The following THSD7B variants were observed in gnomAD, a reference collection of about 807,000 sequenced individuals.
THSD7B encodes the protein thrombospondin type-1 domain-containing protein 7B.
In THSD7B, 138 loss-of-function variants were observed where a neutral mutation model predicts 213.6. The ratio of observed to expected loss-of-function variants is 0.65; its 90% CI spans 0.56 to 0.74. The LOEUF (loss-of-function observed/expected upper bound fraction) is 0.74. Among genes scored for constraint, THSD7B ranks in the 30% least tolerant of loss-of-function variants. The pLI is 0.00. For synonymous variants in THSD7B, 742 were observed against 687.0 expected (o/e 1.08, Z -1.25); for missense variants, 1,931 against 1,991.5 (o/e 0.97, Z 0.58).
intron 2 of THSD7B, among the ~76,000 whole-genome samples, chr2:136,883,445 T>C (rs1004781): frequency 0.1 from 15,652 of 151,990 alleles, 943 homozygotes; most frequent in African/African-American, 0.14. Flanking sequence ...ACTTCATTAC[T>C]GATTTGCATT....
At chr2:137,613,922 A>G (rs948675950) in intron 17 of THSD7B, among the ~76,000 whole-genome samples, 1 of 152,160 alleles carries the variant, frequency 6.6e-6, no homozygotes, top group Non-Finnish European at 1.5e-5. Context: ...TAAACTTTCT[A>G]TAAATAGCTA....
intron 2 of THSD7B, among the ~76,000 whole-genome samples, chr2:136,957,787 A>G (rs1194329931): frequency 6.6e-6 from 1 of 152,224 alleles, no homozygotes; most frequent in South Asian, 2.1e-4. Flanking sequence ...TGTGCATTAA[A>G]TTTAAAATGT....
chr2:137,279,356 C>T (rs1682944526), intron 12 of THSD7B, among the ~76,000 whole-genome samples: 1 of 151,886 alleles, frequency 6.6e-6, no homozygotes, highest in African/African-American at 2.4e-5. Context: ...GACAATATAA[C>T]GAGACCCTGT....
chr2:137,033,012 G>A (rs1319791275), intron 2 of THSD7B, among the ~76,000 whole-genome samples: 3 of 152,170 alleles, frequency 2.0e-5, no homozygotes, highest in Non-Finnish European at 2.9e-5. Context: ...ATTAAACAGA[G>A]GATACTGGGC....
In THSD7B at chr2:137,249,793, T is replaced by C. The variant is rs145016625; in HGVS notation, c.2266+7221T>C. 6.6e-5 allele frequency among the ~76,000 whole-genome samples: 10 copies of C among 152,352 alleles called. No homozygotes were observed. The East Asian group carries it at 1.9e-3, about 29-fold the overall frequency. On this transcript the variant is annotated intron_variant, in intron 10 of 27. Transcript: ENST00000409968. Reference sequence around the variant, plus strand: ...TTTTTATCCCACGACAACGAGCTACTTGCTACATCCATAGGCACAGATAGT... The same window carrying C: ...TTTTTATCCCACGACAACGAGCTACCTGCTACATCCATAGGCACAGATAGT...
At chr2:137,487,524 G>C (rs1688487780) in intron 15 of THSD7B, among the ~76,000 whole-genome samples, 1 of 151,474 alleles carries the variant, frequency 6.6e-6, no homozygotes. Context: ...GAATCCAGGA[G>C]CTGGTTTTTT....
At chr2:136,855,767 C>T (rs1032406985) in intron 1 of THSD7B, among the ~76,000 whole-genome samples, 35 of 151,984 alleles carry the variant, frequency 2.3e-4, no homozygotes, top group Non-Finnish European at 3.2e-4. Context: ...CCATCACGCC[C>T]GGGCTTCCCT....
chr2:136,829,485 A>G (rs1013823690), intron 1 of THSD7B, among the ~76,000 whole-genome samples: 3 of 152,142 alleles, frequency 2.0e-5, no homozygotes, highest in Non-Finnish European at 4.4e-5. Flanking sequence ...ACTGAGCCCC[A>G]GATGGGAGAA....
chr2:137,293,642 C>T (rs899174080), intron 12 of THSD7B, among the ~76,000 whole-genome samples: 10 of 151,936 alleles, frequency 6.6e-5, no homozygotes, highest in Admixed American at 5.2e-4. Context: ...TATTCTGTAT[C>T]GAACAGAATG....
chr2:137,305,455 A>G (rs9753450), intron 12 of THSD7B, among the ~76,000 whole-genome samples: 6,981 of 152,176 alleles, frequency 0.046, 581 homozygotes, highest in African/African-American at 0.16. Flanking sequence ...AGGAGGATGA[A>G]TTGAAACTCA....
chr2:136,880,221 G>A (rs957383147), intron 1 of THSD7B, among the ~76,000 whole-genome samples: 3 of 152,100 alleles, frequency 2.0e-5, no homozygotes, highest in East Asian at 3.9e-4. Flanking sequence ...TGGAAGTAAC[G>A]CACTCCTCAG....
At chr2:137,126,480 C>A (rs1252073256) in intron 5 of THSD7B, among the ~76,000 whole-genome samples, 1 of 149,846 alleles carries the variant, frequency 6.7e-6, no homozygotes, top group Non-Finnish European at 1.5e-5. Flanking sequence ...GCTTCCTCAG[C>A]TCTCTCAGCC....
At chr2:137,263,006 A>AG (rs1682488293) in intron 10 of THSD7B, among the ~76,000 whole-genome samples, 1 of 152,122 alleles carries the variant, frequency 6.6e-6, no homozygotes, top group Admixed American at 6.6e-5. Flanking sequence ...CTATTTGATA[A>AG]GGTTAGCTCT....
chr2:136,943,056 A>G (rs1468507637), intron 2 of THSD7B, among the ~76,000 whole-genome samples: 1 of 152,210 alleles, frequency 6.6e-6, no homozygotes, highest in Non-Finnish European at 1.5e-5. Flanking sequence ...AGTTTTTAGC[A>G]TGAAAGGCTG....
In THSD7B at chr2:137,657,053, A is replaced by T; in HGVS notation, c.4280-12A>T. 1 of 1,613,888 alleles carries T rather than the reference A, an allele frequency of 6.2e-7. No individual in the cohort carries two copies. The highest frequency in any genetic ancestry group is 1.3e-5 in the African/African-American group (1 of 75,026). On this transcript the variant is annotated splice_polypyrimidine_tract_variant and intron_variant, in intron 23 of 27. Transcript: ENST00000409968. The stretch of plus-strand genomic sequence containing the variant: ...GGTGTAATAGAACTGCTATTATCAT[A>T]TTTACTTACAGGAGGCAAATGTTAT...
chr2:137,591,814 G>A (rs1413353759), intron 17 of THSD7B, among the ~76,000 whole-genome samples: 1 of 151,652 alleles, frequency 6.6e-6, no homozygotes, highest in Non-Finnish European at 1.5e-5. Context: ...TATAATGTTC[G>A]GCTGATCTTT....
chr2:136,899,698 A>G (rs1371632435), intron 2 of THSD7B, among the ~76,000 whole-genome samples: 2 of 152,234 alleles, frequency 1.3e-5, no homozygotes, highest in Non-Finnish European at 2.9e-5. Context: ...CTGGGCATTC[A>G]TGTGTTGGAT....
rs1558842429 is a variant in THSD7B, at chr2:137,567,175, ATTTT to A, written c.3272+3822_3272+3825del. Among the ~76,000 whole-genome samples, 42 of 142,874 alleles carry A rather than the reference ATTTT, an allele frequency of 2.9e-4. No individual in the cohort carries two copies. The East Asian group carries it at 6.3e-3, about 21-fold the overall frequency. The allele number at this position is 142,874 out of a possible 152,430, so 93.7% of individuals were successfully genotyped here. A position where few individuals can be genotyped will look rare whatever the true frequency, so the allele number is the denominator to read the frequency against. ...ATTTTATTTTATTTTATTTTATTTT[ATTTT>A]ATTTTTTGAGACTGAGTCTTGATCT... On this transcript the variant is annotated intron_variant, in intron 16 of 27. Coordinates refer to ENST00000409968, the MANE Select transcript of THSD7B (RefSeq NM_001316349.2).
chr2:137,154,796 C>G (rs1484131498), intron 5 of THSD7B, among the ~76,000 whole-genome samples: 1 of 152,166 alleles, frequency 6.6e-6, no homozygotes, highest in Admixed American at 6.5e-5. Context: ...GTATGCTCAT[C>G]TGAATTCACC....
Sources: gnomAD v4.1 joint callset for allele counts (sites outside exome capture counted in the v4.1 genomes callset) on GRCh38, gnomAD v4.1.1 for gene constraint, MANE v1.5 for transcripts, NCBI Gene and HGNC (gene_info 2026-07-23, HGNC 2026-07-21) for gene names.